The following UBE2E2 variants were observed in gnomAD, a reference collection of about 807,000 sequenced individuals.
UBE2E2 encodes the protein ubiquitin conjugating enzyme E2 E2, also known as ubiquitin-conjugating enzyme E2 E2.
Under a neutral mutation model 24.7 loss-of-function variants are expected in UBE2E2, and 6 were observed. The observed-to-expected ratio is 0.24, with a 90% CI of 0.13 to 0.48. The LOEUF (loss-of-function observed/expected upper bound fraction) is 0.48, where lower values mean the gene tolerates loss of function less well. Among genes scored for constraint, UBE2E2 ranks in the 20% least tolerant of loss-of-function variants. The pLI, the probability that UBE2E2 is intolerant of heterozygous loss-of-function variation, is 0.99. For missense variants in UBE2E2, 169 were observed against 245.0 expected (o/e 0.69, Z 2.07); for synonymous variants, 104 against 83.6 (o/e 1.24, Z -1.33).
chr3:23,528,174 A>T (rs933369288), intron 4 of UBE2E2, among the ~76,000 whole-genome samples: 20 of 152,202 alleles, frequency 1.3e-4, no homozygotes, highest in Non-Finnish European at 2.2e-4. Flanking sequence ...TCCTCACCCC[A>T]CATTTGGTCA....
chr3:23,591,187 G>C lies in UBE2E2; in HGVS notation c.*1356G>C, dbSNP rs1696751718. On this transcript the variant is annotated 3_prime_UTR_variant, in exon 6 of 6. Coordinates refer to ENST00000396703, the MANE Select transcript of UBE2E2 (RefSeq NM_152653.4). ...CGCTGACTTGCTGATTGATAATTCA[G>C]GGTTATTAGTGTAACAAAGCGTAGT... 6.6e-6 allele frequency: 1 copy of C among 152,142 alleles called. No homozygotes were observed. The allele number at this position is 152,142 out of a possible 1,614,324, so 9.4% of individuals were successfully genotyped here.
chr3:23,556,140 C>CTTTTT (rs71057604), intron 5 of UBE2E2, among the ~76,000 whole-genome samples: 24 of 92,308 alleles, frequency 2.6e-4, no homozygotes, highest in Non-Finnish European at 3.1e-4. Flanking sequence ...AATATACAAA[C>CTTTTT]TTTTTTTTTT....
intron 3 of UBE2E2, among the ~76,000 whole-genome samples, chr3:23,297,210 C>A (rs1698936719): frequency 6.6e-6 from 1 of 151,918 alleles, no homozygotes; most frequent in Non-Finnish European, 1.5e-5. Context: ...TGGATATTAG[C>A]CCTTTGTCAG....
chr3:23,520,674 G>A (rs1049161838), intron 4 of UBE2E2, among the ~76,000 whole-genome samples: 5 of 152,186 alleles, frequency 3.3e-5, no homozygotes, highest in African/African-American at 1.2e-4. Context: ...GAGACACAGA[G>A]TCTCTGTCAT....
chr3:23,412,734 A>C (rs1460126690), intron 3 of UBE2E2, among the ~76,000 whole-genome samples: 3 of 152,128 alleles, frequency 2.0e-5, no homozygotes, highest in Non-Finnish European at 4.4e-5. Context: ...TTCTCAAGGT[A>C]TGGTTTAAGG....
At chr3:23,540,562 G>A (rs1241187393) in intron 5 of UBE2E2, among the ~76,000 whole-genome samples, 3 of 151,960 alleles carry the variant, frequency 2.0e-5, no homozygotes, top group African/African-American at 7.3e-5. Context: ...GCACCACCAC[G>A]CCCAGCTAAT....
chr3:23,569,604 TGTG>T (rs1696176401), intron 5 of UBE2E2, among the ~76,000 whole-genome samples: 1 of 152,206 alleles, frequency 6.6e-6, no homozygotes, highest in Non-Finnish European at 1.5e-5. Flanking sequence ...AAAAGTAATG[TGTG>T]GACCTCTGGT....
intron 5 of UBE2E2, among the ~76,000 whole-genome samples, chr3:23,575,720 A>G (rs1379899639): frequency 2.0e-5 from 3 of 152,214 alleles, no homozygotes; most frequent in Non-Finnish European, 2.9e-5. Context: ...AGCATTTACC[A>G]GACATTTAAA....
At chr3:23,267,946 G>A (rs1272533231) in intron 3 of UBE2E2, among the ~76,000 whole-genome samples, 1 of 151,718 alleles carries the variant, frequency 6.6e-6, no homozygotes, top group Non-Finnish European at 1.5e-5. Context: ...CAGAACCAAA[G>A]ACAAAAACCA....
intron 3 of UBE2E2, among the ~76,000 whole-genome samples, chr3:23,452,080 AG>A (rs1302353002): frequency 5.3e-5 from 8 of 152,152 alleles, no homozygotes; most frequent in African/African-American, 1.9e-4. Flanking sequence ...TGGGCTTTGG[AG>A]AGTATTTCTT....
At position 23,298,433 on chromosome 3, in the gene UBE2E2, A is replaced by G. The variant is rs559484644; in HGVS notation, c.227+81121A>G. Among the ~76,000 whole-genome samples the G allele has an allele frequency of 1.2e-4, 18 of 152,298 alleles. No homozygotes were observed. The East Asian group carries it at 3.3e-3, about 28-fold the overall frequency. ...GATATTGGCTGTAGGTTTGTCATAG[A>G]TAGCTCTTATTATTTTGAGATACGT... On this transcript the variant is annotated intron_variant, in intron 3 of 5. Transcript: ENST00000396703.
chr3:23,585,467 A>C (rs1042537339), intron 5 of UBE2E2, among the ~76,000 whole-genome samples: 1 of 152,000 alleles, frequency 6.6e-6, no homozygotes, highest in Admixed American at 6.6e-5. Context: ...TCTCTATGAT[A>C]TTCTGTTAAC....
chr3:23,356,838 A>G (rs555776769), intron 3 of UBE2E2, among the ~76,000 whole-genome samples: 7 of 152,236 alleles, frequency 4.6e-5, no homozygotes, highest in Non-Finnish European at 8.8e-5. Context: ...GTGCCAGTTT[A>G]TGGACAAACT....
intron 4 of UBE2E2, among the ~76,000 whole-genome samples, chr3:23,503,315 G>C (rs907939797): frequency 6.6e-6 from 1 of 151,610 alleles, no homozygotes; most frequent in Non-Finnish European, 1.5e-5. Flanking sequence ...TCAGCCTCCC[G>C]AGTAGCTGGG....
chr3:23,544,077 G>A (rs1279120394), intron 5 of UBE2E2, among the ~76,000 whole-genome samples: 2 of 152,124 alleles, frequency 1.3e-5, no homozygotes, highest in African/African-American at 4.8e-5. Flanking sequence ...ATGGATTAAA[G>A]ACTTACATTG....
chr3:23,303,817 A>G (rs562171640), intron 3 of UBE2E2, among the ~76,000 whole-genome samples: 5 of 152,312 alleles, frequency 3.3e-5, no homozygotes, highest in East Asian at 1.9e-4. Context: ...TTGAAGTATA[A>G]TAATTAACTT....
chr3:23,570,762 T>G (rs1482312500), intron 5 of UBE2E2, among the ~76,000 whole-genome samples: 1 of 152,198 alleles, frequency 6.6e-6, no homozygotes, highest in African/African-American at 2.4e-5. Flanking sequence ...TGTCAGAGCT[T>G]GTTTTTAGTA....
At chr3:23,530,901 C>T (rs776519626) in intron 4 of UBE2E2, among the ~76,000 whole-genome samples, 3 of 152,188 alleles carry the variant, frequency 2.0e-5, no homozygotes, top group Non-Finnish European at 4.4e-5. Context: ...GGTGCAGTCT[C>T]AGCTTGTTGC....
intron 3 of UBE2E2, among the ~76,000 whole-genome samples, chr3:23,317,190 GT>G (rs1393150463): frequency 6.6e-6 from 1 of 152,098 alleles, no homozygotes; most frequent in African/African-American, 2.4e-5. Flanking sequence ...CCTAGGAATT[GT>G]TGTCCTTGTG....
Sources: gnomAD v4.1 joint callset for allele counts (sites outside exome capture counted in the v4.1 genomes callset) on GRCh38, gnomAD v4.1.1 for gene constraint, MANE v1.5 for transcripts, NCBI Gene and HGNC (gene_info 2026-07-23, HGNC 2026-07-21) for gene names.